KL: variants seen among roughly 807,000 people sequenced by gnomAD.
KL encodes the protein klotho.
In KL, 62 loss-of-function variants were observed where a neutral mutation model predicts 84.2. The ratio of observed to expected loss-of-function variants is 0.74; its 90% confidence interval spans 0.60 to 0.91. The LOEUF is 0.91. KL is among the 40% of genes least tolerant of loss of function. The pLI, the probability that KL is intolerant of heterozygous loss-of-function variation, is 0.00. For missense variants in KL, 1,261 were observed against 1,305.7 expected (o/e 0.97, Z 0.53); for synonymous variants, 528 against 528.0 (o/e 1.00, Z 0.00).
intron 1 of KL, among the ~76,000 whole-genome samples, chr13:33,027,839 T>C (rs532708585): frequency 6.6e-6 from 1 of 152,200 alleles, no homozygotes; most frequent in South Asian, 2.1e-4. Context: ...TTGTGTTAGT[T>C]TGAGTCCTGA....
chr13:33,041,256 GAGTAATATTCCATTGTATT>G (rs1871330129), intron 1 of KL, among the ~76,000 whole-genome samples: 1 of 151,992 alleles, frequency 6.6e-6, no homozygotes, highest in African/African-American at 2.4e-5. Flanking sequence ...AGGAAACAAG[GAGTAATATTCCATTGTATT>G]AACAGACCAC....
At chr13:33,061,931 A>T in intron 4 of KL, 151 bp downstream of exon 4, 1 of 798,726 alleles carries the variant, frequency 1.3e-6, no homozygotes, top group Non-Finnish European at 2.1e-6. Flanking sequence ...AGAGATATCT[A>T]GCATTTCCCC....
At chr13:33,030,737 A>C (rs886646382) in intron 1 of KL, among the ~76,000 whole-genome samples, 4 of 152,248 alleles carry the variant, frequency 2.6e-5, no homozygotes, top group Non-Finnish European at 5.9e-5. Context: ...TAAAATAAAC[A>C]GAAAAGCAAA....
chr13:33,034,484 G>T (rs563503278), intron 1 of KL, among the ~76,000 whole-genome samples: 30 of 151,870 alleles, frequency 2.0e-4, no homozygotes, highest in Middle Eastern at 3.4e-3. Flanking sequence ...TAAATGAAAA[G>T]ATGAAAATCA....
At chr13:33,033,772 C>G (rs551753181) in intron 1 of KL, among the ~76,000 whole-genome samples, 11 of 151,764 alleles carry the variant, frequency 7.2e-5, no homozygotes, top group Non-Finnish European at 1.5e-4. Context: ...CTGGGGGCCT[C>G]GAGGAGACAG....
intron 1 of KL, among the ~76,000 whole-genome samples, chr13:33,019,359 C>T (rs1253468732): frequency 6.6e-6 from 1 of 152,018 alleles, no homozygotes; most frequent in Non-Finnish European, 1.5e-5. Flanking sequence ...AAAGATAAAA[C>T]ATTCTGCAGA....
At chr13:33,016,361 G>GCCC, upstream of KL, 3 of 162,248 alleles carry the variant, frequency 1.8e-5, no homozygotes, top group Non-Finnish European at 3.8e-5. Context: ...TGGGCGCGCC[G>GCCC]GCGGTGGGCG....
At chr13:33,022,626 T>C (rs1870618477) in intron 1 of KL, among the ~76,000 whole-genome samples, 2 of 152,232 alleles carry the variant, frequency 1.3e-5, no homozygotes, top group Non-Finnish European at 2.9e-5. Flanking sequence ...TTTTCCCCTC[T>C]TTATCTTGGG....
intron 1 of KL, among the ~76,000 whole-genome samples, chr13:33,028,520 T>C (rs1196345957): frequency 2.6e-5 from 4 of 152,168 alleles, no homozygotes; most frequent in African/African-American, 9.7e-5. Flanking sequence ...AAAAGGATGA[T>C]GAACTGTAGA....
At position 33,061,662 on chromosome 13, in the gene KL, C is replaced by A; in HGVS notation, c.2583C>A (p.Phe861Leu). 6.2e-7 allele frequency: 1 copy of A among 1,614,142 alleles called. No homozygotes were observed. Residue 861 changes from phenylalanine to leucine, a missense_variant, in exon 4 of 5, where the codon TTC becomes TTA. By Grantham distance (22) the Phe-to-Leu change is conservative. Coordinates refer to ENST00000380099, the MANE Select transcript of KL (RefSeq NM_004795.4). ...GCAAAGTGCTGAACTGGCTGAAGTT[C>A]AAGTACGGAGACCTCCCCATGTACA... ...GLRKVLNWLK[F>L]KYGDLPMYII...
At chr13:33,059,877 C>G (rs1872106677) in intron 3 of KL, among the ~76,000 whole-genome samples, 1 of 152,226 alleles carries the variant, frequency 6.6e-6, no homozygotes, top group South Asian at 2.1e-4. Context: ...ACTTCCTCTA[C>G]CTATAGCAAA....
intron 1 of KL, among the ~76,000 whole-genome samples, chr13:33,045,949 G>A (rs527868818): frequency 6.6e-6 from 1 of 152,172 alleles, no homozygotes; most frequent in South Asian, 2.1e-4. Flanking sequence ...GCATTACAAC[G>A]ATTTTTTTTA....
chr13:33,030,529 T>G (rs1208876098), intron 1 of KL, among the ~76,000 whole-genome samples: 1 of 152,184 alleles, frequency 6.6e-6, no homozygotes, highest in African/African-American at 2.4e-5. Context: ...TGTTGCATGA[T>G]CATAAGTGCA....
At position 33,024,592 on chromosome 13, in the gene KL, G is replaced by A. The variant is rs149451676; in HGVS notation, c.819+7333G>A. Among the ~76,000 whole-genome samples the A allele has an allele frequency of 1.7e-4, 26 of 152,360 alleles. No individual in the cohort carries two copies. In the East Asian group the frequency reaches 3.7e-3, roughly 21 times the overall value. Reference sequence around the variant, plus strand: ...CTCTTTTCGTGAGGGTCCAGAGGACGGCTGCAAAGCTGCAGGGGAGGATGG... The same window carrying A: ...CTCTTTTCGTGAGGGTCCAGAGGACAGCTGCAAAGCTGCAGGGGAGGATGG... On this transcript the variant is annotated intron_variant, in intron 1 of 4. Coordinates refer to ENST00000380099, the MANE Select transcript of KL (RefSeq NM_004795.4).
At chr13:33,018,666 G>A (rs1031595190) in intron 1 of KL, among the ~76,000 whole-genome samples, 4 of 152,170 alleles carry the variant, frequency 2.6e-5, no homozygotes, top group Non-Finnish European at 5.9e-5. Context: ...TATGGCTGGT[G>A]ATAGAAAAAC....
At chr13:33,031,055 A>T (rs546854259) in intron 1 of KL, among the ~76,000 whole-genome samples, 4 of 152,316 alleles carry the variant, frequency 2.6e-5, no homozygotes, top group African/African-American at 9.6e-5. Flanking sequence ...GAAATAATAT[A>T]ATAAAATGCC....
At position 33,064,307 on chromosome 13, in the gene KL, A is replaced by G; in HGVS notation, c.*121A>G. The G allele has an allele frequency of 1.3e-6, 1 of 778,338 alleles. No homozygotes were observed. Among genetic ancestry groups the G allele is most frequent in the Admixed American group, 2.6e-5 (1 of 38,068 alleles). 48.2% of individuals were successfully genotyped at this position (778,338 alleles called of 1,614,324 possible). A position where few individuals can be genotyped will look rare whatever the true frequency, so the allele number is the denominator to read the frequency against. ...TTCATACATTTGACTTCTAGAAAAC[A>G]TTTTTGTGGCTTATGACAGAGGTTT... On this transcript the variant is annotated 3_prime_UTR_variant, in exon 5 of 5. Coordinates refer to ENST00000380099, the MANE Select transcript of KL (RefSeq NM_004795.4).
rs1042582101 is a variant in KL, at chr13:33,065,494, A to G, written c.*1308A>G. ...ATAAGTCAATATTGTATCAGGCAAGATAAACCAATGTCATAACAGGCATTG... is the reference window on the plus strand; with the variant it reads ...ATAAGTCAATATTGTATCAGGCAAGGTAAACCAATGTCATAACAGGCATTG... On this transcript the variant is annotated 3_prime_UTR_variant, in exon 5 of 5. Transcript: ENST00000380099. The G allele has an allele frequency of 5.3e-6, 1 of 190,092 alleles. No homozygotes were observed. The highest frequency in any genetic ancestry group is 2.3e-5 in the African/African-American group (1 of 42,916). 11.8% of individuals were successfully genotyped at this position (190,092 alleles called of 1,614,324 possible).
chr13:33,046,532 T>A (rs1397091480), intron 1 of KL, among the ~76,000 whole-genome samples: 1 of 152,194 alleles, frequency 6.6e-6, no homozygotes, highest in Non-Finnish European at 1.5e-5. Context: ...TTTCTCTTTT[T>A]TTCTCTAGTC....
Sources: gnomAD v4.1 joint callset for allele counts (sites outside exome capture counted in the v4.1 genomes callset) on GRCh38, gnomAD v4.1.1 for gene constraint, MANE v1.5 for transcripts, NCBI Gene and HGNC (gene_info 2026-07-23, HGNC 2026-07-21) for gene names.